PCDHGB5: variants seen among roughly 807,000 people sequenced by gnomAD.
The protein encoded by PCDHGB5 is protocadherin gamma-B5.
A neutral mutation model predicts 62.9 loss-of-function variants in PCDHGB5; 48 were observed. That is an observed-to-expected ratio of 0.76 (90% CI 0.61 to 0.97). The LOEUF is 0.97. Ranked by LOEUF, PCDHGB5 falls within the 50% of genes least tolerant of loss-of-function variation. The probability of loss-of-function intolerance (pLI) is 0.00; values close to 1 mark genes in which losing one functional copy is unlikely to be tolerated. For synonymous variants in PCDHGB5, 474 were observed against 511.2 expected (o/e 0.93, Z 0.98); for missense variants, 1,118 against 1,198.6 (o/e 0.93, Z 0.99).
intron 1 of PCDHGB5, chr5:141,410,314 C>T: frequency 6.2e-7 from 1 of 1,614,036 alleles, no homozygotes; most frequent in Non-Finnish European, 8.5e-7. Context: ...TGCTCTTCCT[C>T]CTCGCCGTGA....
chr5:141,508,091 GCCC>G (rs2099866180), intron 3 of PCDHGB5: 1 of 152,482 alleles, frequency 6.6e-6, no homozygotes, highest in Non-Finnish European at 1.5e-5. Flanking sequence ...TGCTGCCTTG[GCCC>G]TGGGATGGGG....
chr5:141,507,554 A>C (rs1384910590), intron 3 of PCDHGB5, among the ~76,000 whole-genome samples: 2 of 152,258 alleles, frequency 1.3e-5, no homozygotes, highest in African/African-American at 4.8e-5. Context: ...TGAAAGTGGC[A>C]GGCGGCTGGG....
intron 2 of PCDHGB5, among the ~76,000 whole-genome samples, chr5:141,496,775 GCAGGGCC>G (rs1025427712): frequency 6.6e-6 from 1 of 152,038 alleles, no homozygotes; most frequent in Non-Finnish European, 1.5e-5. Flanking sequence ...TCTACTATGA[GCAGGGCC>G]CTGTGCTAAA....
At chr5:141,418,392 T>C (rs753094664) in intron 1 of PCDHGB5, 1 of 1,613,996 alleles carries the variant, frequency 6.2e-7, no homozygotes, top group Non-Finnish European at 8.5e-7. Context: ...AACGAGTATT[T>C]CTCATTGGTG....
At chr5:141,417,888 G>T (rs1406210540) in intron 1 of PCDHGB5, 1 of 1,566,768 alleles carries the variant, frequency 6.4e-7, no homozygotes, top group Middle Eastern at 1.7e-4. Context: ...CAGAGGCGCC[G>T]GGCCGGCCCG....
At chr5:141,492,952 C>T (rs1428667098) in intron 1 of PCDHGB5, among the ~76,000 whole-genome samples, 1 of 152,242 alleles carries the variant, frequency 6.6e-6, no homozygotes, top group Non-Finnish European at 1.5e-5. Context: ...GGTGACCAAA[C>T]TATCTGACAC....
Position 141,477,783 on chromosome 5 carries a change from T to C in PCDHGB5, c.2398-17024T>C. 1 of 1,614,078 alleles carries C rather than the reference T, an allele frequency of 6.2e-7. No individual in the cohort carries two copies. Among genetic ancestry groups the C allele is most frequent in the Non-Finnish European group, 8.5e-7 (1 of 1,180,028 alleles). On this transcript the variant is annotated intron_variant, in intron 1 of 3. Coordinates refer to ENST00000617380, the MANE Select transcript of PCDHGB5 (RefSeq NM_018925.3). The surrounding 1 kb of genome is among the most constrained non-coding windows in gnomAD (Gnocchi z 4.9). ...GCCACCAACATCAGCGTGAACATAT[T>C]TGTCACTGATCGCAATGACAATGCC...
Position 141,487,070 on chromosome 5 carries a change from C to A in PCDHGB5, c.2398-7737C>A, listed in dbSNP as rs1365482479. The A allele has an allele frequency of 6.2e-7, 1 of 1,614,036 alleles. No individual in the cohort carries two copies. The highest frequency in any genetic ancestry group is 8.5e-7 in the Non-Finnish European group (1 of 1,180,016). ...TGCTGGGGAGGTGCGGACGGCTGTT[C>A]CTATCCCAGCTGACCTCCCACCACA... is the stretch of plus-strand genomic sequence containing the variant. On this transcript the variant is annotated intron_variant, in intron 1 of 3. Coordinates refer to ENST00000617380, the MANE Select transcript of PCDHGB5 (RefSeq NM_018925.3). The surrounding 1 kb of genome is among the most constrained non-coding windows in gnomAD (Gnocchi z 5.0).
At chr5:141,505,616 C>T in intron 3 of PCDHGB5, 135 bp downstream of exon 3, 2 of 1,503,162 alleles carry the variant, frequency 1.3e-6, no homozygotes, top group South Asian at 1.3e-5. Flanking sequence ...CTGAAAGGAC[C>T]CACAATTCCA....
At chr5:141,470,983 C>G (rs1486663328) in intron 1 of PCDHGB5, among the ~76,000 whole-genome samples, 2 of 151,528 alleles carry the variant, frequency 1.3e-5, no homozygotes, top group African/African-American at 4.9e-5. Context: ...TCCCAAAGTG[C>G]TGGGACTACA....
chr5:141,417,766 C>T (rs564920153), intron 1 of PCDHGB5: 7 of 1,442,472 alleles, frequency 4.9e-6, no homozygotes, highest in African/African-American at 4.3e-5. Context: ...AGACCCGGGA[C>T]TCCTCCTGTC....
At chr5:141,405,118 G>C (rs368800698) in intron 1 of PCDHGB5, 2 of 1,613,946 alleles carry the variant, frequency 1.2e-6, no homozygotes, top group Non-Finnish European at 8.5e-7. Flanking sequence ...GGCACTCCTC[G>C]CATCTGCTGC....
At chr5:141,507,786 G>A (rs536470814) in intron 3 of PCDHGB5, among the ~76,000 whole-genome samples, 3 of 152,292 alleles carry the variant, frequency 2.0e-5, no homozygotes, top group East Asian at 1.9e-4. Context: ...CCTGACCCTC[G>A]TCTAAGCCTG....
At chr5:141,419,938 G>A in intron 1 of PCDHGB5, 1 of 1,614,102 alleles carries the variant, frequency 6.2e-7, no homozygotes, top group Non-Finnish European at 8.5e-7. Context: ...TTTACCTGGT[G>A]GTGGCCTTGG....
chr5:141,478,017 T>C lies in PCDHGB5; in HGVS notation c.2398-16790T>C, dbSNP rs776415195. ...GGTCAAATCAGTACTGCCCGTCCAG[T>C]CCAAGACACAGATTCACCCAGGCAG... On this transcript the variant is annotated intron_variant, in intron 1 of 3. Transcript: ENST00000617380. 15 of 1,613,910 alleles carry C rather than the reference T, an allele frequency of 9.3e-6. No homozygotes were observed. In the African/African-American group the frequency reaches 1.9e-4, roughly 20 times the overall value.
At chr5:141,458,989 T>C (rs1341538997) in intron 1 of PCDHGB5, among the ~76,000 whole-genome samples, 1 of 152,134 alleles carries the variant, frequency 6.6e-6, no homozygotes, top group Non-Finnish European at 1.5e-5. Flanking sequence ...TGCCTCACCC[T>C]CCCAAAGTGC....
Position 141,511,252 on chromosome 5 carries a change from G to C in PCDHGB5, c.*79G>C. 6.4e-7 allele frequency: 1 copy of C among 1,568,260 alleles called. No homozygotes were observed. The highest frequency in any genetic ancestry group is 8.6e-7 in the Non-Finnish European group (1 of 1,157,002). On this transcript the variant is annotated 3_prime_UTR_variant, in exon 4 of 4. Coordinates refer to ENST00000617380, the MANE Select transcript of PCDHGB5 (RefSeq NM_018925.3). ...TCTCCTTACCTGCACCCAGGCCTCA[G>C]AGTTTCAGGGCTAACCCCCAGAATA... is the stretch of plus-strand genomic sequence containing the variant.
rs201825683 is a variant in PCDHGB5 at position 141,404,916 on chromosome 5, C to T, written c.2397+4392C>T. The T allele has an allele frequency of 1.5e-4, 243 of 1,613,780 alleles. No homozygotes were observed. The highest frequency in any genetic ancestry group is 1.1e-4 in the Non-Finnish European group (126 of 1,179,862). ...CAGGACCATGGCCAGCCCCCTCTCTCGGCCACTGTCACGCTCACAGTAGCC... is the reference window on the plus strand; with the variant it reads ...CAGGACCATGGCCAGCCCCCTCTCTTGGCCACTGTCACGCTCACAGTAGCC... On this transcript the variant is annotated intron_variant, in intron 1 of 3. Transcript: ENST00000617380.
intron 1 of PCDHGB5, among the ~76,000 whole-genome samples, chr5:141,450,259 C>A (rs1243327669): frequency 6.6e-6 from 1 of 152,118 alleles, no homozygotes; most frequent in East Asian, 1.9e-4. Context: ...CTCAAGTGAT[C>A]TGCCCACCTC....
Sources: allele counts gnomAD v4.1 joint callset (sites outside exome capture counted in the v4.1 genomes callset), GRCh38; gene constraint gnomAD v4.1.1; non-coding constraint Gnocchi (gnomAD v3.1); transcripts MANE v1.5; gene names NCBI Gene and HGNC (gene_info 2026-07-23, HGNC 2026-07-21).